Variants in ADAM22 observed in about 807,000 individuals in gnomAD.
The protein encoded by ADAM22 is disintegrin and metalloproteinase domain-containing protein 22.
In ADAM22, 65 loss-of-function variants were observed where a neutral mutation model predicts 144.6. The observed-to-expected ratio is 0.45, with a 90% CI of 0.37 to 0.55. ADAM22 has a LOEUF of 0.55. Ranked by LOEUF, ADAM22 falls within the 20% of genes least tolerant of loss-of-function variation. The pLI is 0.00. For synonymous variants in ADAM22, 391 were observed against 412.6 expected (o/e 0.95, Z 0.63); for missense variants, 974 against 1,184.9 (o/e 0.82, Z 2.61).
intron 3 of ADAM22, among the ~76,000 whole-genome samples, chr7:87,999,421 G>T (rs988595871): frequency 1.3e-5 from 2 of 151,836 alleles, no homozygotes; most frequent in Admixed American, 6.6e-5. Flanking sequence ...GAATCAGGGA[G>T]ACTCATTTGC....
At chr7:88,182,631 A>G (rs1847364413) in intron 29 of ADAM22, among the ~76,000 whole-genome samples, 1 of 152,108 alleles carries the variant, frequency 6.6e-6, no homozygotes, top group Non-Finnish European at 1.5e-5. Context: ...ATAGCCATGC[A>G]TTTACTTTTT....
chr7:88,156,144 T>C, intron 22 of ADAM22, 138 bp downstream of exon 22: 1 of 870,070 alleles, frequency 1.1e-6, no homozygotes, highest in East Asian at 2.7e-5. Context: ...ATTGAGTAAA[T>C]CCTAACAGAG....
chr7:88,184,706 A>C (rs1458517692), intron 29 of ADAM22, among the ~76,000 whole-genome samples: 1 of 152,168 alleles, frequency 6.6e-6, no homozygotes, highest in Non-Finnish European at 1.5e-5. Flanking sequence ...TGACCTTGAG[A>C]TATCAGGAAG....
At chr7:88,163,877 C>G (rs1435080417) in intron 23 of ADAM22, among the ~76,000 whole-genome samples, 4 of 152,040 alleles carry the variant, frequency 2.6e-5, no homozygotes, top group Non-Finnish European at 5.9e-5. Flanking sequence ...TGTTCTATTT[C>G]TTTCAGCATG....
intron 3 of ADAM22, among the ~76,000 whole-genome samples, chr7:87,992,064 A>G (rs1329389383): frequency 6.6e-6 from 1 of 152,212 alleles, no homozygotes; most frequent in South Asian, 2.1e-4. Flanking sequence ...AGAGGAAACA[A>G]ATATTTATCT....
rs1800028267 is a variant in ADAM22 at position 88,030,687 on chromosome 7, C to G, written c.324-44939C>G. Among the ~76,000 whole-genome samples the G allele has an allele frequency of 2.0e-5, 3 of 152,140 alleles. No homozygotes were observed. In the South Asian group the frequency reaches 6.2e-4, roughly 32 times the overall value. On this transcript the variant is annotated intron_variant, in intron 3 of 31. Transcript: ENST00000413139. ...GTTTGAAAGTGTGTAGCACCTCCCTCTTTGCTCTCTCTCTCTCATGCCAGC... is the reference window on the plus strand; with the variant it reads ...GTTTGAAAGTGTGTAGCACCTCCCTGTTTGCTCTCTCTCTCTCATGCCAGC...
At chr7:88,109,698 A>G (rs1825484620) in intron 5 of ADAM22, among the ~76,000 whole-genome samples, 2 of 150,824 alleles carry the variant, frequency 1.3e-5, no homozygotes, top group Non-Finnish European at 3.0e-5. Context: ...GGAACATGAT[A>G]GGTATATTTG....
At chr7:88,086,529 T>A (rs1372920040) in intron 4 of ADAM22, among the ~76,000 whole-genome samples, 1 of 152,244 alleles carries the variant, frequency 6.6e-6, no homozygotes, top group Admixed American at 6.5e-5. Context: ...AAGATACTTT[T>A]TATTCCTTTA....
chr7:88,137,840 T>C (rs1359495792), intron 14 of ADAM22, among the ~76,000 whole-genome samples: 1 of 152,164 alleles, frequency 6.6e-6, no homozygotes, highest in African/African-American at 2.4e-5. Flanking sequence ...AGAGGAAATA[T>C]ATATGCAAAC....
chr7:88,136,667 T>C (rs984672437), intron 14 of ADAM22, among the ~76,000 whole-genome samples: 2 of 152,080 alleles, frequency 1.3e-5, no homozygotes, highest in African/African-American at 4.8e-5. Context: ...ACTTTGACCA[T>C]CTTTTGCTGT....
chr7:88,142,336 T>G (rs193280921), intron 14 of ADAM22, among the ~76,000 whole-genome samples: 1 of 152,332 alleles, frequency 6.6e-6, no homozygotes, highest in Non-Finnish European at 1.5e-5. Context: ...AGCTCCTCTT[T>G]CTTTGACTTT....
chr7:88,011,269 T>TGGA (rs1181894900), intron 3 of ADAM22, among the ~76,000 whole-genome samples: 1 of 152,112 alleles, frequency 6.6e-6, no homozygotes, highest in Non-Finnish European at 1.5e-5. Context: ...AACATTGAAA[T>TGGA]TAAAAACACT....
rs1412852764 is a variant in ADAM22 at position 88,170,749 on chromosome 7, C to A, written c.2283-795C>A. Among the ~76,000 whole-genome samples the A allele has an allele frequency of 6.6e-5, 10 of 152,090 alleles. No individual in the cohort carries two copies. The East Asian group carries it at 1.4e-3, about 21-fold the overall frequency. Reference sequence around the variant, plus strand: ...AGAGGAAGCAGCCCAAAACTACTCACTTGCATGACCTTTCTAACGTGTCTC... The same window carrying A: ...AGAGGAAGCAGCCCAAAACTACTCAATTGCATGACCTTTCTAACGTGTCTC... On this transcript the variant is annotated intron_variant, in intron 25 of 31. Coordinates refer to ENST00000413139, the MANE Select transcript of ADAM22 (RefSeq NM_001324418.2).
rs955333179 is a variant in ADAM22, at chr7:87,949,874, G to A, written c.246+14688G>A. Among the ~76,000 whole-genome samples the A allele has an allele frequency of 1.3e-4, 19 of 149,312 alleles. No homozygotes were observed. The East Asian group carries it at 3.7e-3, about 29-fold the overall frequency. Reference sequence around the variant, plus strand: ...ATATAAAATATAGATAATAAAATATGTAAGTTTACACGTCTATTATATAAA... The same window carrying A: ...ATATAAAATATAGATAATAAAATATATAAGTTTACACGTCTATTATATAAA... On this transcript the variant is annotated intron_variant, in intron 2 of 31. Transcript: ENST00000413139.
intron 8 of ADAM22, 104 bp downstream of exon 8, chr7:88,125,763 G>A: frequency 1.1e-6 from 1 of 932,186 alleles, no homozygotes; most frequent in Non-Finnish European, 1.6e-6. Flanking sequence ...ATTAGTTTGG[G>A]AATTTGTCAG....
At chr7:88,166,870 A>G (rs905905483) in intron 24 of ADAM22, among the ~76,000 whole-genome samples, 2 of 152,120 alleles carry the variant, frequency 1.3e-5, no homozygotes, top group Non-Finnish European at 2.9e-5. Context: ...CAAGACTAAC[A>G]TCTAAGTTTA....
chr7:87,984,023 C>G (rs1244493516), intron 3 of ADAM22, among the ~76,000 whole-genome samples: 1 of 152,130 alleles, frequency 6.6e-6, no homozygotes, highest in Admixed American at 6.6e-5. Flanking sequence ...ATAAACTTGA[C>G]TTTGTCATGT....
At chr7:88,100,578 G>A (rs1260057519) in intron 4 of ADAM22, among the ~76,000 whole-genome samples, 3 of 152,102 alleles carry the variant, frequency 2.0e-5, no homozygotes, top group Non-Finnish European at 2.9e-5. Context: ...AGTTTTAATC[G>A]GGATAGGTTG....
At chr7:88,168,109 C>G in intron 24 of ADAM22, 28 bp from the exon 25 acceptor site, 4 of 1,588,306 alleles carry the variant, frequency 2.5e-6, no homozygotes, top group Non-Finnish European at 3.5e-6. Flanking sequence ...TACCACTGAT[C>G]TTCCTTCTTT....
Sources: allele counts gnomAD v4.1 joint callset (sites outside exome capture counted in the v4.1 genomes callset), GRCh38; gene constraint gnomAD v4.1.1; transcripts MANE v1.5; gene names NCBI Gene and HGNC (gene_info 2026-07-23, HGNC 2026-07-21).